RBM19: variants seen among roughly 807,000 people sequenced by gnomAD.
The protein encoded by RBM19 is probable RNA-binding protein 19.
In RBM19, 94 loss-of-function variants were observed where a neutral mutation model predicts 116.8. The observed-to-expected ratio is 0.80, with a 90% CI of 0.68 to 0.95. The LOEUF is 0.95. RBM19 is among the 40% of genes least tolerant of loss of function. The probability of loss-of-function intolerance (pLI) is 0.00; values close to 1 mark genes in which losing one functional copy is unlikely to be tolerated. For missense variants in RBM19, 1,161 were observed against 1,220.7 expected (o/e 0.95, Z 0.73); for synonymous variants, 475 against 494.1 (o/e 0.96, Z 0.51).
chr12:113,819,594 G>A (rs1202584779), downstream of RBM19, among the ~76,000 whole-genome samples: 1 of 152,194 alleles, frequency 6.6e-6, no homozygotes, highest in African/African-American at 2.4e-5. Flanking sequence ...GGGTGTCTGT[G>A]TCTACCAACG....
chr12:113,926,988 G>T, intron 17 of RBM19, 66 bp downstream of exon 17: 1 of 1,505,624 alleles, frequency 6.6e-7, no homozygotes. Flanking sequence ...TAAATGCAGT[G>T]GCCGTATCAG....
At chr12:113,908,467 G>T (rs1437474734) in intron 21 of RBM19, among the ~76,000 whole-genome samples, 1 of 151,768 alleles carries the variant, frequency 6.6e-6, no homozygotes, top group Non-Finnish European at 1.5e-5. Flanking sequence ...CAGGTGTGGG[G>T]TGGACAGGAG....
intron 23 of RBM19, among the ~76,000 whole-genome samples, chr12:113,827,551 G>C (rs894277377): frequency 6.6e-6 from 1 of 152,100 alleles, no homozygotes; most frequent in Non-Finnish European, 1.5e-5. Flanking sequence ...GAGGACAAGA[G>C]AAAGCGCTTC....
At chr12:113,933,998 G>A (rs922727909) in intron 16 of RBM19, among the ~76,000 whole-genome samples, 8 of 152,134 alleles carry the variant, frequency 5.3e-5, no homozygotes, top group African/African-American at 1.7e-4. Flanking sequence ...TGTCACCCAG[G>A]CTGAGTGTAG....
intron 15 of RBM19, among the ~76,000 whole-genome samples, chr12:113,939,040 C>T (rs1032207213): frequency 6.6e-5 from 10 of 152,186 alleles, no homozygotes; most frequent in Admixed American, 2.6e-4. Flanking sequence ...GGAGACAGCC[C>T]CACCTACAGA....
intron 21 of RBM19, among the ~76,000 whole-genome samples, chr12:113,897,594 T>G (rs914413048): frequency 6.6e-6 from 1 of 151,434 alleles, no homozygotes; most frequent in Non-Finnish European, 1.5e-5. Flanking sequence ...GGAGGATCAC[T>G]TGAGGCCAGG....
At position 113,898,522 on chromosome 12, in the gene RBM19, A is replaced by G. The variant is rs767528918; in HGVS notation, c.2558+16447T>C. Among the ~76,000 whole-genome samples, 78 of 152,250 alleles carry G rather than the reference A, an allele frequency of 5.1e-4. No homozygotes were observed. The highest frequency in any genetic ancestry group is 1.0e-3 in the Non-Finnish European group (69 of 68,042). On this transcript the variant is annotated intron_variant, in intron 21 of 23. Transcript: ENST00000261741. The surrounding 1 kb of genome is among the most constrained non-coding windows in gnomAD (Gnocchi z 4.3). ...AGAGTAATTGGTTATCCATTCATTC[A>G]TAATTTCAATAACACTACAATGCTA...
chr12:113,964,109 G>A (rs1872694260), intron 1 of RBM19, among the ~76,000 whole-genome samples: 1 of 152,132 alleles, frequency 6.6e-6, no homozygotes, highest in Non-Finnish European at 1.5e-5. Context: ...AAGGACACAG[G>A]CTTATCCACC....
chr12:113,964,255 T>C (rs770724015), intron 1 of RBM19, among the ~76,000 whole-genome samples: 1 of 152,242 alleles, frequency 6.6e-6, no homozygotes, highest in Non-Finnish European at 1.5e-5. Context: ...CAAATCCCTG[T>C]ACCTCGCTGT....
At chr12:113,947,801 G>A (rs1871160737) in intron 10 of RBM19, among the ~76,000 whole-genome samples, 1 of 152,208 alleles carries the variant, frequency 6.6e-6, no homozygotes, top group South Asian at 2.1e-4. Context: ...CCAAAGAAGT[G>A]TCTTCCATGA....
At chr12:113,922,811 C>T (rs1225260689) in intron 18 of RBM19, among the ~76,000 whole-genome samples, 2 of 152,118 alleles carry the variant, frequency 1.3e-5, no homozygotes, top group Non-Finnish European at 2.9e-5. Context: ...TTATCTGAGA[C>T]AAGCTCTTTA....
rs138262188 is a variant in RBM19 at position 113,895,130 on chromosome 12, G to T, written c.2558+19839C>A. 3.5e-4 allele frequency among the ~76,000 whole-genome samples: 53 copies of T among 152,330 alleles called. No homozygotes were observed. The East Asian group carries it at 9.5e-3, about 27-fold the overall frequency. The stretch of plus-strand genomic sequence containing the variant: ...CTGAATCACCTTCTGGATCATCAAA[G>T]ATTTCAATTACACTCCATCGAGTTC... On this transcript the variant is annotated intron_variant, in intron 21 of 23. Coordinates refer to ENST00000261741, the MANE Select transcript of RBM19 (RefSeq NM_016196.4).
At chr12:113,915,678 C>T (rs1035978460) in intron 20 of RBM19, among the ~76,000 whole-genome samples, 21 of 152,140 alleles carry the variant, frequency 1.4e-4, no homozygotes, top group Admixed American at 3.9e-4. Flanking sequence ...ATGCCAAATC[C>T]GACACTTAGG....
chr12:113,872,549 C>T (rs1454716153), intron 21 of RBM19, among the ~76,000 whole-genome samples: 7 of 120,968 alleles, frequency 5.8e-5, no homozygotes, highest in African/African-American at 1.5e-4. Context: ...CCCGGCCAGC[C>T]GCCCCGTCCG....
At chr12:113,878,928 G>A (rs543031654) in intron 21 of RBM19, among the ~76,000 whole-genome samples, 2 of 152,152 alleles carry the variant, frequency 1.3e-5, no homozygotes, top group Non-Finnish European at 2.9e-5. Flanking sequence ...TCACACACGC[G>A]AGTGAGTGGC....
intron 21 of RBM19, among the ~76,000 whole-genome samples, chr12:113,875,380 T>G (rs1380157788): frequency 6.6e-6 from 1 of 152,178 alleles, no homozygotes; most frequent in South Asian, 2.1e-4. Context: ...AGAACTCGAT[T>G]CAATTACAAA....
intron 23 of RBM19, among the ~76,000 whole-genome samples, chr12:113,827,286 A>G (rs1405411388): frequency 6.6e-6 from 1 of 152,090 alleles, no homozygotes; most frequent in Non-Finnish European, 1.5e-5. Context: ...CGAGAAATTA[A>G]CTTGACAAAA....
At chr12:113,914,549 T>C (rs2135852446) in intron 21 of RBM19, among the ~76,000 whole-genome samples, 1 of 152,342 alleles carries the variant, frequency 6.6e-6, no homozygotes, top group Non-Finnish European at 1.5e-5. Flanking sequence ...AGGTGTATTT[T>C]AGCCATTGCC....
intron 17 of RBM19, among the ~76,000 whole-genome samples, chr12:113,925,829 G>A (rs1461881518): frequency 1.3e-5 from 2 of 152,170 alleles, no homozygotes; most frequent in African/African-American, 4.8e-5. Flanking sequence ...GGATAATGAT[G>A]TTCCCATACC....
Sources: allele counts gnomAD v4.1 joint callset (sites outside exome capture counted in the v4.1 genomes callset), GRCh38; gene constraint gnomAD v4.1.1; non-coding constraint Gnocchi (gnomAD v3.1); transcripts MANE v1.5; gene names NCBI Gene and HGNC (gene_info 2026-07-23, HGNC 2026-07-21).